Variants in PTPRD observed in about 807,000 individuals in gnomAD.
PTPRD encodes receptor-type tyrosine-protein phosphatase delta.
Under a neutral mutation model 214.5 loss-of-function variants are expected in PTPRD, and 34 were observed. The observed-to-expected ratio is 0.16, with a 90% CI of 0.12 to 0.21. The LOEUF (loss-of-function observed/expected upper bound fraction) is 0.21. PTPRD is among the 10% of genes least tolerant of loss of function. PTPRD has a pLI of 1.00. For synonymous variants in PTPRD, 1,128 were observed against 845.7 expected (o/e 1.33, Z -5.79); for missense variants, 2,545 against 2,398.7 (o/e 1.06, Z -1.27).
intron 32 of PTPRD, among the ~76,000 whole-genome samples, chr9:8,462,839 T>G (rs2096451476): frequency 6.6e-6 from 1 of 152,038 alleles, no homozygotes; most frequent in Non-Finnish European, 1.5e-5. Context: ...TTTGGCTTTT[T>G]ATTTGTATAT....
At chr9:8,373,889 TC>T (rs2082371787) in intron 39 of PTPRD, among the ~76,000 whole-genome samples, 1 of 127,114 alleles carries the variant, frequency 7.9e-6, no homozygotes, top group Non-Finnish European at 1.6e-5. Context: ...TATCTATCTA[TC>T]TATCTATCTA....
chr9:8,694,035 T>C (rs781072601), intron 12 of PTPRD, among the ~76,000 whole-genome samples: 1 of 152,222 alleles, frequency 6.6e-6, no homozygotes, highest in Non-Finnish European at 1.5e-5. Flanking sequence ...AATATTCAAA[T>C]GCTTGTACGT....
chr9:8,740,240 T>G (rs539812200), intron 11 of PTPRD, among the ~76,000 whole-genome samples: 1 of 152,018 alleles, frequency 6.6e-6, no homozygotes, highest in African/African-American at 2.4e-5. Context: ...CAAGTAGAAA[T>G]AGTGTTAACG....
chr9:8,782,596 C>CTTTTTT (rs35513651), intron 11 of PTPRD, among the ~76,000 whole-genome samples: 1 of 117,364 alleles, frequency 8.5e-6, no homozygotes, highest in Non-Finnish European at 1.8e-5. Flanking sequence ...ATACTTAACG[C>CTTTTTT]TTTTTTTTTT....
intron 8 of PTPRD, among the ~76,000 whole-genome samples, chr9:9,404,072 A>G (rs997974703): frequency 1.3e-5 from 2 of 152,040 alleles, no homozygotes; most frequent in Non-Finnish European, 2.9e-5. Context: ...AAGAAGGCCA[A>G]TGTGACTAGA....
At chr9:10,249,744 G>T (rs1191659419) in intron 3 of PTPRD, among the ~76,000 whole-genome samples, 1 of 151,996 alleles carries the variant, frequency 6.6e-6, no homozygotes, top group African/African-American at 2.4e-5. Context: ...TACCATAAAT[G>T]CAGTTGTCTT....
At chr9:8,710,033 TAA>T (rs1383457773) in intron 12 of PTPRD, among the ~76,000 whole-genome samples, 2 of 152,224 alleles carry the variant, frequency 1.3e-5, no homozygotes, top group African/African-American at 2.4e-5. Flanking sequence ...TACCCTATCT[TAA>T]AGTCTAGGCT....
chr9:8,706,614 C>T lies in PTPRD; in HGVS notation c.64+27166G>A, dbSNP rs144546379. Among the ~76,000 whole-genome samples, 420 of 152,228 alleles carry T rather than the reference C, an allele frequency of 2.8e-3. 4 individuals are homozygous for T. Among genetic ancestry groups the T allele is most frequent in the African/African-American group, 9.7e-3 (403 of 41,538 alleles). ...TGAACTTGAGCTTAAGAAAAAAAAG[C>T]GCTCATCTCAGGAGCAGAGATGCGT... is the stretch of plus-strand genomic sequence containing the variant. On this transcript the variant is annotated intron_variant, in intron 12 of 45. Coordinates refer to ENST00000381196, the MANE Select transcript of PTPRD (RefSeq NM_002839.4).
At chr9:9,468,392 G>C (rs2094364685) in intron 8 of PTPRD, among the ~76,000 whole-genome samples, 1 of 151,924 alleles carries the variant, frequency 6.6e-6, no homozygotes, top group Non-Finnish European at 1.5e-5. Flanking sequence ...TCTTTGTATA[G>C]ATATGTGCAT....
In PTPRD at chr9:8,333,027, T is replaced by A. The variant is rs566659319; in HGVS notation, c.5380-1291A>T. ...GAAGAGAGAGGATCTCAGTGTGAGA[T>A]GAGCACTCATCACCTCGCCTGGTGG... is the stretch of plus-strand genomic sequence containing the variant. On this transcript the variant is annotated intron_variant, in intron 43 of 45. Coordinates refer to ENST00000381196, the MANE Select transcript of PTPRD (RefSeq NM_002839.4). Among the ~76,000 whole-genome samples the A allele has an allele frequency of 3.9e-5, 6 of 152,310 alleles. No homozygotes were observed. The East Asian group carries it at 1.2e-3, about 29-fold the overall frequency.
At position 8,314,618 on chromosome 9, in the gene PTPRD, A is replaced by G. The variant is rs1299959015; in HGVS notation, c.*3256T>C. The G allele has an allele frequency of 8.6e-6, 2 of 231,984 alleles. No individual in the cohort carries two copies. Among genetic ancestry groups the G allele is most frequent in the Non-Finnish European group, 1.7e-5 (2 of 117,240 alleles). The allele number at this position is 231,984 out of a possible 1,614,324, so 14.4% of individuals were successfully genotyped here. On this transcript the variant is annotated 3_prime_UTR_variant, in exon 46 of 46. Transcript: ENST00000381196. ...GAGTATCAGGGCACCCATAAACCCA[A>G]AAGGAACCAAAACCCAAAAAGAAAA...
intron 9 of PTPRD, among the ~76,000 whole-genome samples, chr9:9,315,833 C>G (rs1390139380): frequency 2.1e-5 from 2 of 93,316 alleles, no homozygotes; most frequent in Non-Finnish European, 2.1e-5. Context: ...TAGCAGACAA[C>G]TTTTTTTTTT....
intron 10 of PTPRD, among the ~76,000 whole-genome samples, chr9:9,170,269 C>T (rs1046389589): frequency 9.9e-5 from 15 of 152,114 alleles, no homozygotes; most frequent in African/African-American, 3.4e-4. Context: ...CAAAAATGTT[C>T]ATTAGAGTTC....
intron 11 of PTPRD, among the ~76,000 whole-genome samples, chr9:8,742,317 T>C (rs2092123466): frequency 1.3e-5 from 2 of 152,154 alleles, no homozygotes; most frequent in South Asian, 4.1e-4. Context: ...TGACTAAATT[T>C]AGCTAATTGA....
At chr9:10,611,598 C>G (rs1460352391) in intron 2 of PTPRD, among the ~76,000 whole-genome samples, 1 of 151,996 alleles carries the variant, frequency 6.6e-6, no homozygotes, top group Non-Finnish European at 1.5e-5. Context: ...GATGTTAGCC[C>G]CAAGAGGAAT....
intron 11 of PTPRD, among the ~76,000 whole-genome samples, chr9:8,966,683 C>G (rs1204171385): frequency 6.6e-6 from 1 of 151,926 alleles, no homozygotes; most frequent in Admixed American, 6.6e-5. Context: ...ATACCCTTCT[C>G]AACATCAGCC....
At chr9:8,386,535 T>G (rs1240362581) in intron 37 of PTPRD, among the ~76,000 whole-genome samples, 1 of 152,172 alleles carries the variant, frequency 6.6e-6, no homozygotes, top group Non-Finnish European at 1.5e-5. Context: ...TTGTTTACGT[T>G]ACCTGGACTA....
chr9:8,845,983 T>C (rs2097687519), intron 11 of PTPRD, among the ~76,000 whole-genome samples: 1 of 152,204 alleles, frequency 6.6e-6, no homozygotes, highest in Admixed American at 6.5e-5. Context: ...ACTATAATCA[T>C]GCCAGGCAAT....
intron 9 of PTPRD, among the ~76,000 whole-genome samples, chr9:9,380,614 C>G (rs1248703081): frequency 1.3e-5 from 2 of 152,120 alleles, no homozygotes; most frequent in Non-Finnish European, 2.9e-5. Context: ...TGTGGTCTAT[C>G]TTAGTAAATG....
Sources: allele counts gnomAD v4.1 joint callset (sites outside exome capture counted in the v4.1 genomes callset), GRCh38; gene constraint gnomAD v4.1.1; transcripts MANE v1.5; gene names NCBI Gene and HGNC (gene_info 2026-07-23, HGNC 2026-07-21).